Variants in PRKCI observed in about 807,000 individuals in gnomAD.
The protein encoded by PRKCI is protein kinase C iota type.
Under a neutral mutation model 84.0 loss-of-function variants are expected in PRKCI, and 43 were observed. That is an observed-to-expected ratio of 0.51 (90% CI 0.40 to 0.66). The LOEUF (loss-of-function observed/expected upper bound fraction) is 0.66. Among genes scored for constraint, PRKCI ranks in the 30% least tolerant of loss-of-function variants. PRKCI has a pLI of 0.00. For synonymous variants in PRKCI, 216 were observed against 234.4 expected, an observed-to-expected ratio of 0.92 and a Z score of 0.72; for missense variants, 459 against 745.6, an observed-to-expected ratio of 0.62 and a Z score of 4.48.
At chr3:170,233,756 T>C (rs550513204) in intron 1 of PRKCI, among the ~76,000 whole-genome samples, 3 of 152,174 alleles carry the variant, frequency 2.0e-5, no homozygotes, top group Non-Finnish European at 4.4e-5. Flanking sequence ...AATCTCACTT[T>C]ATCATCCAGG....
intron 4 of PRKCI, among the ~76,000 whole-genome samples, chr3:170,263,781 GAGAC>G (rs1733791344): frequency 6.6e-6 from 1 of 151,900 alleles, no homozygotes; most frequent in Non-Finnish European, 1.5e-5. Context: ...GTGGGTGACA[GAGAC>G]AGGCCTTGTC....
At chr3:170,253,001 C>G (rs1733492978) in intron 2 of PRKCI, among the ~76,000 whole-genome samples, 1 of 152,202 alleles carries the variant, frequency 6.6e-6, no homozygotes, top group African/African-American at 2.4e-5. Flanking sequence ...GCTTATTTCA[C>G]TTGACACAAT....
At chr3:170,297,762 G>A (rs187532402) in intron 16 of PRKCI, among the ~76,000 whole-genome samples, 1 of 150,928 alleles carries the variant, frequency 6.6e-6, no homozygotes, top group African/African-American at 2.4e-5. Context: ...GGCCTATCTC[G>A]GGCCAAATTT....
intron 3 of PRKCI, among the ~76,000 whole-genome samples, chr3:170,262,945 C>G (rs1262704514): frequency 6.6e-6 from 1 of 150,398 alleles, no homozygotes; most frequent in African/African-American, 2.5e-5. Flanking sequence ...CCGAGACAGG[C>G]GGATCATGAG....
intron 2 of PRKCI, among the ~76,000 whole-genome samples, chr3:170,245,824 A>C (rs1421978212): frequency 6.6e-6 from 1 of 152,068 alleles, no homozygotes; most frequent in Non-Finnish European, 1.5e-5. Flanking sequence ...CAGTCCTCCT[A>C]GCTGAAACTA....
At chr3:170,281,320 A>G (rs536914845) in intron 10 of PRKCI, 57 bp downstream of exon 10, 4 of 1,383,926 alleles carry the variant, frequency 2.9e-6, no homozygotes, top group African/African-American at 1.4e-5. Flanking sequence ...GTCATATTAC[A>G]CAGTTAGAAC....
intron 3 of PRKCI, among the ~76,000 whole-genome samples, chr3:170,260,644 G>A (rs1394793349): frequency 6.6e-6 from 1 of 152,130 alleles, no homozygotes. Flanking sequence ...GTAGAGACAG[G>A]GTTTCACCAT....
intron 1 of PRKCI, among the ~76,000 whole-genome samples, chr3:170,225,034 T>C (rs2108832336): frequency 6.6e-6 from 1 of 152,346 alleles, no homozygotes; most frequent in Middle Eastern, 3.4e-3. Flanking sequence ...TTATCTTGGC[T>C]TATTGCTCCA....
At chr3:170,230,489 T>C (rs879687433) in intron 1 of PRKCI, among the ~76,000 whole-genome samples, 274 of 142,710 alleles carry the variant, frequency 1.9e-3, no homozygotes, top group South Asian at 5.4e-3. Context: ...CGCCACCATG[T>C]CCGGCTAATT....
At chr3:170,257,367 C>T (rs1041093297) in intron 2 of PRKCI, among the ~76,000 whole-genome samples, 3 of 152,016 alleles carry the variant, frequency 2.0e-5, no homozygotes, top group South Asian at 2.1e-4. Context: ...CCTTTGCAAC[C>T]GCAGTTTTGG....
rs187153968 is a variant in PRKCI at position 170,296,002 on chromosome 3, G to A, written c.1497+12G>A. On this transcript the variant is annotated intron_variant, in intron 15 of 17. Coordinates refer to ENST00000295797, the MANE Select transcript of PRKCI (RefSeq NM_002740.6). ...GTTTTCTTAATAAGGTATAAATTGT[G>A]TATAAGAATATTTTGTGATTTGTCT... is the stretch of plus-strand genomic sequence containing the variant. 1.3e-5 allele frequency: 18 copies of A among 1,428,686 alleles called. No homozygotes were observed. The highest frequency in any genetic ancestry group is 4.8e-5 in the East Asian group (2 of 41,830). The allele number at this position is 1,428,686 out of a possible 1,614,324, so 88.5% of individuals were successfully genotyped here. A position where few individuals can be genotyped will look rare whatever the true frequency, so the allele number is the denominator to read the frequency against.
intron 6 of PRKCI, 72 bp downstream of exon 6, chr3:170,270,633 T>G (rs1452539158): frequency 4.1e-6 from 6 of 1,469,904 alleles, no homozygotes; most frequent in Non-Finnish European, 5.5e-6. Flanking sequence ...AACAGAGTGC[T>G]AAAATAGGGA....
chr3:170,276,861 G>A (rs1734127167), intron 8 of PRKCI, among the ~76,000 whole-genome samples: 1 of 151,952 alleles, frequency 6.6e-6, no homozygotes, highest in South Asian at 2.1e-4. Context: ...AAGAATGGGA[G>A]AAAATAGTCA....
chr3:170,295,841 T>C, intron 14 of PRKCI, 70 bp from the exon 15 acceptor site: 1 of 951,712 alleles, frequency 1.1e-6, no homozygotes, highest in African/African-American at 1.7e-5. Flanking sequence ...CAAGCCCCTT[T>C]CAAAAAAGAA....
chr3:170,222,582 G>A lies in PRKCI; in HGVS notation c.-88G>A, dbSNP rs1012807149. The A allele has an allele frequency of 7.9e-5, 94 of 1,195,874 alleles. No homozygotes were observed. The African/African-American group carries it at 1.3e-3, about 17-fold the overall frequency. 74.1% of individuals were successfully genotyped at this position (1,195,874 alleles called of 1,614,324 possible). ...GGTGGGCGGACGGCCGCGGTTCTCC[G>A]GCAAGCGCAGGCGGCGGAGTCCCCC... On this transcript the variant is annotated 5_prime_UTR_variant, in exon 1 of 18. Transcript: ENST00000295797.
intron 1 of PRKCI, 53 bp downstream of exon 1, chr3:170,222,823 C>T (rs1732524670): frequency 4.1e-6 from 4 of 967,096 alleles, no homozygotes; most frequent in Non-Finnish European, 5.6e-6. Context: ...CGGCTCCACT[C>T]GGCCTGGAGG....
At chr3:170,253,257 A>G (rs981144614) in intron 2 of PRKCI, among the ~76,000 whole-genome samples, 2 of 152,086 alleles carry the variant, frequency 1.3e-5, no homozygotes, top group African/African-American at 4.8e-5. Context: ...TTTCTGAGAA[A>G]TCTCTATACT....
At chr3:170,261,777 C>T (rs767410412) in intron 3 of PRKCI, among the ~76,000 whole-genome samples, 7 of 152,208 alleles carry the variant, frequency 4.6e-5, no homozygotes, top group Non-Finnish European at 8.8e-5. Context: ...AGCCACTACG[C>T]CTGACCTGAT....
intron 3 of PRKCI, among the ~76,000 whole-genome samples, chr3:170,261,366 G>T (rs1413528420): frequency 6.6e-6 from 1 of 150,884 alleles, no homozygotes; most frequent in African/African-American, 2.4e-5. Flanking sequence ...TTCTAAAAAA[G>T]TGAAACGAAT....
Sources: gnomAD v4.1 joint callset for allele counts (sites outside exome capture counted in the v4.1 genomes callset) on GRCh38, gnomAD v4.1.1 for gene constraint, MANE v1.5 for transcripts, NCBI Gene and HGNC (gene_info 2026-07-23, HGNC 2026-07-21) for gene names.